The following DPP10 variants were observed in gnomAD, a reference collection of about 807,000 sequenced individuals.
DPP10 encodes inactive dipeptidyl peptidase 10.
DPP10 carries 33 observed loss-of-function variants against 120.9 expected under a neutral mutation model. The observed-to-expected ratio is 0.27, with a 90% CI of 0.21 to 0.37. DPP10 has a LOEUF of 0.37. DPP10 is among the 10% of genes least tolerant of loss of function. The pLI is 1.00. For missense variants in DPP10, 816 were observed against 942.8 expected (o/e 0.87, Z 1.76); for synonymous variants, 337 against 326.1 (o/e 1.03, Z -0.36).
At chr2:114,873,743 A>G (rs1690903443) in intron 1 of DPP10, among the ~76,000 whole-genome samples, 1 of 152,186 alleles carries the variant, frequency 6.6e-6, no homozygotes. Context: ...ACGTTAACGT[A>G]CATGCCCTTA....
chr2:114,478,773 C>T (rs1680750826), intron 1 of DPP10, among the ~76,000 whole-genome samples: 1 of 151,836 alleles, frequency 6.6e-6, no homozygotes, highest in South Asian at 2.1e-4. Flanking sequence ...TTTTTTATAC[C>T]AACTGTGAAC....
chr2:115,780,615 C>T (rs1269332689), intron 15 of DPP10, among the ~76,000 whole-genome samples: 1 of 151,494 alleles, frequency 6.6e-6, no homozygotes, highest in Non-Finnish European at 1.5e-5. Context: ...TTGTTTATAG[C>T]CATACATACA....
chr2:115,099,015 T>A (rs1205823250), intron 1 of DPP10, among the ~76,000 whole-genome samples: 1 of 151,274 alleles, frequency 6.6e-6, no homozygotes, highest in Non-Finnish European at 1.5e-5. Flanking sequence ...CCAGGCACAG[T>A]GGCTCATGCC....
At chr2:114,670,604 A>G (rs994929427) in intron 1 of DPP10, among the ~76,000 whole-genome samples, 1 of 152,160 alleles carries the variant, frequency 6.6e-6, no homozygotes, top group Admixed American at 6.5e-5. Context: ...TGGGTGCAGC[A>G]CACCAGCATG....
intron 1 of DPP10, among the ~76,000 whole-genome samples, chr2:115,095,755 A>T (rs1366839982): frequency 6.6e-6 from 1 of 152,064 alleles, no homozygotes; most frequent in Admixed American, 6.6e-5. Flanking sequence ...AATTAACTTT[A>T]GTCAATTCAT....
chr2:114,756,572 G>T (rs752991546), intron 1 of DPP10, among the ~76,000 whole-genome samples: 1 of 152,170 alleles, frequency 6.6e-6, no homozygotes, highest in Non-Finnish European at 1.5e-5. Flanking sequence ...CTAGCTGCAC[G>T]TTAGAGTTAC....
chr2:114,590,853 T>A (rs867096112), intron 1 of DPP10, among the ~76,000 whole-genome samples: 31 of 152,242 alleles, frequency 2.0e-4, no homozygotes, highest in South Asian at 1.0e-3. Context: ...TCATAGAGTT[T>A]ACTTTTAAAT....
At chr2:115,085,545 AT>A (rs1168835741) in intron 1 of DPP10, among the ~76,000 whole-genome samples, 2 of 152,214 alleles carry the variant, frequency 1.3e-5, no homozygotes, top group African/African-American at 2.4e-5. Flanking sequence ...AAAAGGAAAC[AT>A]TTTAATAAAA....
At chr2:115,755,269 G>T (rs1056027251) in intron 11 of DPP10, among the ~76,000 whole-genome samples, 3 of 152,004 alleles carry the variant, frequency 2.0e-5, no homozygotes, top group Non-Finnish European at 4.4e-5. Context: ...TTTTAGTGGA[G>T]AAATAAACTT....
intron 1 of DPP10, among the ~76,000 whole-genome samples, chr2:114,640,909 A>G (rs572636039): frequency 1.3e-5 from 2 of 152,012 alleles, no homozygotes; most frequent in South Asian, 2.1e-4. Flanking sequence ...TAGCAGGGCC[A>G]AGCATTGAAG....
intron 3 of DPP10, among the ~76,000 whole-genome samples, chr2:115,380,271 T>C (rs2066205092): frequency 6.6e-6 from 1 of 152,224 alleles, no homozygotes; most frequent in Non-Finnish European, 1.5e-5. Context: ...GATAGTTAGC[T>C]CTTCTTGTTG....
intron 1 of DPP10, among the ~76,000 whole-genome samples, chr2:115,069,270 C>A (rs1707175992): frequency 6.6e-6 from 1 of 151,998 alleles, no homozygotes; most frequent in African/African-American, 2.4e-5. Flanking sequence ...TTTGCTCAAT[C>A]TATTCCTAAA....
At chr2:115,833,432 C>T (rs1317932054) in intron 21 of DPP10, among the ~76,000 whole-genome samples, 2 of 152,144 alleles carry the variant, frequency 1.3e-5, no homozygotes, top group Non-Finnish European at 2.9e-5. Flanking sequence ...CTTCGCCCAT[C>T]TTTATGACAG....
At chr2:115,804,119 T>C (rs989112177) in intron 19 of DPP10, among the ~76,000 whole-genome samples, 4 of 152,200 alleles carry the variant, frequency 2.6e-5, no homozygotes, top group Non-Finnish European at 5.9e-5. Flanking sequence ...TCTTGGAGGC[T>C]TTGTTCATTT....
chr2:114,465,038 T>C (rs1679239313), intron 1 of DPP10, among the ~76,000 whole-genome samples: 2 of 152,184 alleles, frequency 1.3e-5, no homozygotes, highest in South Asian at 4.1e-4. Flanking sequence ...CACCTGAGCA[T>C]GCCCAGGACT....
Position 114,691,135 on chromosome 2 carries a change from C to T in DPP10, c.60+248297C>T, listed in dbSNP as rs541891565. Among the ~76,000 whole-genome samples, 4 of 152,166 alleles carry T rather than the reference C, an allele frequency of 2.6e-5. No individual in the cohort carries two copies. The South Asian group carries it at 8.3e-4, about 32-fold the overall frequency. On this transcript the variant is annotated intron_variant, in intron 1 of 25. Coordinates refer to ENST00000410059, the MANE Select transcript of DPP10 (RefSeq NM_020868.6). Reference sequence around the variant, plus strand: ...GAGTGGTGAGAAAGGGCATCCTTGCCTTGTACTGGTTTTTCAGGAGAATGC... The same window carrying T: ...GAGTGGTGAGAAAGGGCATCCTTGCTTTGTACTGGTTTTTCAGGAGAATGC...
intron 1 of DPP10, among the ~76,000 whole-genome samples, chr2:114,850,793 T>A (rs1688890373): frequency 6.6e-6 from 1 of 152,168 alleles, no homozygotes; most frequent in South Asian, 2.1e-4. Flanking sequence ...TCCAAAAGAC[T>A]AATACCCCAG....
chr2:115,023,824 C>G (rs1464093758), intron 1 of DPP10, among the ~76,000 whole-genome samples: 1 of 152,082 alleles, frequency 6.6e-6, no homozygotes, highest in African/African-American at 2.4e-5. Flanking sequence ...GGATAACACT[C>G]AGCCATAAAA....
chr2:114,457,647 C>T (rs796504988), intron 1 of DPP10, among the ~76,000 whole-genome samples: 1 of 152,118 alleles, frequency 6.6e-6, no homozygotes, highest in Non-Finnish European at 1.5e-5. Context: ...TAGTCTGCCC[C>T]CAAATCACAT....
Sources: allele counts gnomAD v4.1 joint callset (sites outside exome capture counted in the v4.1 genomes callset), GRCh38; gene constraint gnomAD v4.1.1; transcripts MANE v1.5; gene names NCBI Gene and HGNC (gene_info 2026-07-23, HGNC 2026-07-21).